ARHGAP23: variants seen among roughly 807,000 people sequenced by gnomAD.
ARHGAP23 encodes Rho GTPase activating protein 23, also known as rho GTPase-activating protein 23.
A neutral mutation model predicts 136.3 loss-of-function variants in ARHGAP23; 34 were observed. That is an observed-to-expected ratio of 0.25 (90% CI 0.19 to 0.33). The LOEUF is 0.33. ARHGAP23 is among the 10% of genes least tolerant of loss of function. The pLI, the probability that ARHGAP23 is intolerant of heterozygous loss-of-function variation, is 1.00. For missense variants in ARHGAP23, 1,808 were observed against 2,139.0 expected (o/e 0.85, Z 3.05); for synonymous variants, 832 against 920.5 (o/e 0.90, Z 1.74).
Position 38,469,614 on chromosome 17 carries a change from G to T in ARHGAP23, c.1895G>T (p.Arg632Leu). The change falls in exon 9 of 24, where the codon CGC (arginine) becomes CTC (leucine). Residue 632 changes from arginine to leucine, a missense_variant. Physicochemically the swap from Arg to Leu is moderately radical, Grantham distance 102 (BLOSUM62 -2). Around this residue, in one of 7 missense-constraint regions of ARHGAP23, gnomAD observed 859 missense variants for 936.4 expected, o/e 0.92. Coordinates refer to ENST00000622683, the MANE Select transcript of ARHGAP23 (RefSeq NM_001199417.2). The stretch of plus-strand genomic sequence containing the variant: ...TGCGATGATGGACTCAACACCTTCC[G>T]CGACGAGGGCCGGGTTCTGCGGTGA... ...KSCDDGLNTF[R>L]DEGRVLRRLP... is the part of the protein sequence containing the mutation. The T allele has an allele frequency of 1.9e-6, 3 of 1,548,766 alleles. No homozygotes were observed. The highest frequency in any genetic ancestry group is 2.6e-6 in the Non-Finnish European group (3 of 1,146,720).
intron 14 of ARHGAP23, among the ~76,000 whole-genome samples, chr17:38,480,684 A>G (rs2040016856): frequency 1.3e-5 from 2 of 150,748 alleles, no homozygotes; most frequent in South Asian, 4.3e-4. Context: ...TGCGCCTGTA[A>G]TCCCAACTAC....
intron 6 of ARHGAP23, 60 bp from the exon 7 acceptor site, chr17:38,466,107 G>C: frequency 7.4e-7 from 1 of 1,351,586 alleles, no homozygotes; most frequent in Non-Finnish European, 9.6e-7. Context: ...TCGGGCTGCC[G>C]TTCCCCTACC....
At chr17:38,428,664 G>A in intron 1 of ARHGAP23, 116 bp downstream of exon 1, 2 of 564,336 alleles carry the variant, frequency 3.5e-6, no homozygotes, top group Non-Finnish European at 5.3e-6. Context: ...CACGGTGGGC[G>A]CGGGCACCGC....
chr17:38,490,601 T>A (rs1328657243), intron 19 of ARHGAP23, 50 bp downstream of exon 19: 1 of 1,405,100 alleles, frequency 7.1e-7, no homozygotes, highest in South Asian at 1.2e-5. Flanking sequence ...ACGGACTTAC[T>A]GTGTGAGGGC....
At chr17:38,496,840 C>A (rs1567824948) in intron 20 of ARHGAP23, among the ~76,000 whole-genome samples, 2 of 152,114 alleles carry the variant, frequency 1.3e-5, no homozygotes, top group Non-Finnish European at 2.9e-5. Flanking sequence ...GTAATCCCAG[C>A]TACTTGGGAG....
At chr17:38,464,972 T>C (rs1221610151) in intron 6 of ARHGAP23, among the ~76,000 whole-genome samples, 1 of 151,558 alleles carries the variant, frequency 6.6e-6, no homozygotes, top group East Asian at 2.0e-4. Context: ...TCCCTCCTCC[T>C]CCCGCCAGCC....
intron 16 of ARHGAP23, among the ~76,000 whole-genome samples, chr17:38,482,926 C>T (rs1197001676): frequency 6.6e-6 from 1 of 152,178 alleles, no homozygotes; most frequent in East Asian, 1.9e-4. Flanking sequence ...GAGGCAGAGG[C>T]TCACAGATGG....
At chr17:38,433,979 AT>A (rs960790872) in intron 1 of ARHGAP23, among the ~76,000 whole-genome samples, 1 of 151,736 alleles carries the variant, frequency 6.6e-6, no homozygotes, top group Non-Finnish European at 1.5e-5. Flanking sequence ...CACCTGGCTA[AT>A]TTTTTTTATT....
rs1244811348 is a variant in ARHGAP23, at chr17:38,479,508, G to A, written c.2498+11G>A. On this transcript the variant is annotated intron_variant, in intron 13 of 23. Transcript: ENST00000622683. ...TTATCGCAAAGTGAGGTGAGGCCCA[G>A]CCCTCGTGGAGCAGTCTCCTCTGTG... is the stretch of plus-strand genomic sequence containing the variant. The A allele has an allele frequency of 2.6e-6, 4 of 1,547,924 alleles. No homozygotes were observed. Among genetic ancestry groups the A allele is most frequent in the Non-Finnish European group, 1.7e-6 (2 of 1,145,442 alleles).
chr17:38,438,118 C>G lies in ARHGAP23; in HGVS notation c.63+9570C>G, dbSNP rs147076536. ...TGGGCAAATCACGAGGGCAAGAGAT[C>G]GAGACCGTCCTGGCCAACATGGTGA... is the stretch of plus-strand genomic sequence containing the variant. On this transcript the variant is annotated intron_variant, in intron 1 of 23. Transcript: ENST00000622683. Among the ~76,000 whole-genome samples, 10 of 152,194 alleles carry G rather than the reference C, an allele frequency of 6.6e-5. No homozygotes were observed. In the East Asian group the frequency reaches 1.5e-3, roughly 24 times the overall value.
chr17:38,487,999 T>C (rs1350540050), intron 17 of ARHGAP23, among the ~76,000 whole-genome samples: 1 of 152,168 alleles, frequency 6.6e-6, no homozygotes, highest in African/African-American at 2.4e-5. Flanking sequence ...CCTCCTGGGC[T>C]CAAGTGATCC....
chr17:38,426,840 G>T (rs139781399), upstream of ARHGAP23, among the ~76,000 whole-genome samples: 249 of 152,212 alleles, frequency 1.6e-3, 1 homozygote, highest in African/African-American at 5.8e-3. Context: ...GTTGTCTGGG[G>T]CACCCCAACC....
intron 14 of ARHGAP23, among the ~76,000 whole-genome samples, chr17:38,480,493 G>C (rs1200180063): frequency 6.6e-6 from 1 of 151,564 alleles, no homozygotes; most frequent in Non-Finnish European, 1.5e-5. Flanking sequence ...AATTAGCCGG[G>C]TGTGGTGGCA....
At chr17:38,501,473 T>C (rs139960581) in intron 23 of ARHGAP23, among the ~76,000 whole-genome samples, 10,111 of 152,070 alleles carry the variant, frequency 0.066, 387 homozygotes, top group South Asian at 0.17. Flanking sequence ...AGCTAATTTT[T>C]TGTATTTTTA....
chr17:38,483,186 G>A (rs1358303107), intron 16 of ARHGAP23, among the ~76,000 whole-genome samples: 2 of 152,134 alleles, frequency 1.3e-5, no homozygotes, highest in Admixed American at 1.3e-4. Context: ...ACCATACTTA[G>A]CTCAAGGGCC....
chr17:38,498,826 T>G (rs2040452211), intron 22 of ARHGAP23: 1 of 689,794 alleles, frequency 1.4e-6, no homozygotes. Context: ...CATGTTCCTC[T>G]TTTTAATTTT....
chr17:38,443,059 T>G (rs1376239414), intron 1 of ARHGAP23, among the ~76,000 whole-genome samples: 3 of 152,222 alleles, frequency 2.0e-5, no homozygotes, highest in African/African-American at 7.2e-5. Flanking sequence ...ATAAGGAAAC[T>G]TGAGTGACCT....
At chr17:38,485,084 CGTTA>C in intron 16 of ARHGAP23, among the ~76,000 whole-genome samples, 1 of 152,200 alleles carries the variant, frequency 6.6e-6, no homozygotes, top group Non-Finnish European at 1.5e-5. Flanking sequence ...ACGACCCGGC[CGTTA>C]GTTCTTGTAC....
chr17:38,503,871 T>A (rs930506823), intron 23 of ARHGAP23, among the ~76,000 whole-genome samples: 10 of 152,206 alleles, frequency 6.6e-5, no homozygotes, highest in Non-Finnish European at 1.5e-4. Flanking sequence ...ATCACTAGCA[T>A]GAGATGAAAG....
Sources: allele counts gnomAD v4.1 joint callset (sites outside exome capture counted in the v4.1 genomes callset), GRCh38; gene constraint gnomAD v4.1.1; regional missense constraint gnomAD v4.1.1; transcripts MANE v1.5; gene names NCBI Gene and HGNC (gene_info 2026-07-23, HGNC 2026-07-21).